The following DCLK2 variants were observed in gnomAD, a reference collection of about 807,000 sequenced individuals.
The protein encoded by DCLK2 is serine/threonine-protein kinase DCLK2.
Under a neutral mutation model 78.4 loss-of-function variants are expected in DCLK2, and 31 were observed. That is an observed-to-expected ratio of 0.40 (90% confidence interval 0.30 to 0.53). The LOEUF (loss-of-function observed/expected upper bound fraction) is 0.53. Ranked by LOEUF, DCLK2 falls within the 20% of genes least tolerant of loss-of-function variation. The probability of loss-of-function intolerance (pLI) is 0.61; values close to 1 mark genes in which losing one functional copy is unlikely to be tolerated. For missense variants in DCLK2, 872 were observed against 973.7 expected (o/e 0.90, Z 1.39); for synonymous variants, 407 against 374.9 (o/e 1.09, Z -0.99).
chr4:150,190,794 CT>C (rs1281213180), intron 2 of DCLK2, among the ~76,000 whole-genome samples: 1 of 152,064 alleles, frequency 6.6e-6, no homozygotes, highest in Non-Finnish European at 1.5e-5. Flanking sequence ...ATTGTGTGGT[CT>C]GCGAATTACA....
At chr4:150,183,723 CT>C (rs1560843683) in intron 2 of DCLK2, among the ~76,000 whole-genome samples, 1 of 150,882 alleles carries the variant, frequency 6.6e-6, no homozygotes, top group Admixed American at 6.6e-5. Context: ...CTTTTGATTT[CT>C]TTTTTTCTTT....
intron 5 of DCLK2, among the ~76,000 whole-genome samples, chr4:150,219,574 A>C (rs766952251): frequency 1.3e-5 from 2 of 151,948 alleles, no homozygotes; most frequent in Non-Finnish European, 1.5e-5. Context: ...ATTCTTAATC[A>C]CTCATTTCAA....
At chr4:150,184,027 C>T (rs1046543967) in intron 2 of DCLK2, among the ~76,000 whole-genome samples, 1 of 152,182 alleles carries the variant, frequency 6.6e-6, no homozygotes, top group Admixed American at 6.5e-5. Context: ...AGCCACCACA[C>T]CCAGCCTCAA....
chr4:150,173,287 C>T (rs1736689865), intron 2 of DCLK2, among the ~76,000 whole-genome samples: 1 of 152,082 alleles, frequency 6.6e-6, no homozygotes, highest in African/African-American at 2.4e-5. Context: ...AAAAACCAGC[C>T]GACTCGACAG....
intron 13 of DCLK2, 48 bp from the exon 14 acceptor site, chr4:150,248,257 T>TA (rs780341414): frequency 2.4e-5 from 37 of 1,524,004 alleles, no homozygotes; most frequent in Admixed American, 3.4e-5. Flanking sequence ...ATGCTGGAAT[T>TA]ACCTCCTTTC....
At chr4:150,138,822 T>C (rs749147502) in intron 2 of DCLK2, among the ~76,000 whole-genome samples, 15 of 152,124 alleles carry the variant, frequency 9.9e-5, no homozygotes, top group African/African-American at 1.4e-4. Context: ...CCTGCCACCA[T>C]GCCCAGCTAA....
At chr4:150,158,207 T>G (rs763316776) in intron 2 of DCLK2, among the ~76,000 whole-genome samples, 2 of 152,172 alleles carry the variant, frequency 1.3e-5, no homozygotes, top group Non-Finnish European at 2.9e-5. Flanking sequence ...TTTTCCTCTA[T>G]GCATGCACAC....
chr4:150,129,404 G>T (rs1208653793), intron 2 of DCLK2, among the ~76,000 whole-genome samples: 1 of 152,028 alleles, frequency 6.6e-6, no homozygotes, highest in Non-Finnish European at 1.5e-5. Context: ...TTATCAAAAT[G>T]ATTATTTAAA....
At chr4:150,120,689 A>C (rs942478382) in intron 2 of DCLK2, among the ~76,000 whole-genome samples, 2 of 152,226 alleles carry the variant, frequency 1.3e-5, no homozygotes, top group Non-Finnish European at 2.9e-5. Flanking sequence ...GCGTCCTAGC[A>C]CAGATAAGTT....
At position 150,111,145 on chromosome 4, in the gene DCLK2, A is replaced by T. The variant is rs183052048; in HGVS notation, c.756+8333A>T. On this transcript the variant is annotated intron_variant, in intron 2 of 15. Coordinates refer to ENST00000296550, the MANE Select transcript of DCLK2 (RefSeq NM_001040260.4). ...CTTCACTACATCCACATCAGCATCT[A>T]TTTTTTTTTGACTTTTTAATAATGG... Among the ~76,000 whole-genome samples the T allele has an allele frequency of 7.3e-5, 11 of 150,608 alleles. No homozygotes were observed. In the East Asian group the frequency reaches 2.1e-3, roughly 29 times the overall value.
intron 2 of DCLK2, among the ~76,000 whole-genome samples, chr4:150,173,292 C>A (rs988031441): frequency 1.3e-5 from 2 of 152,088 alleles, no homozygotes; most frequent in East Asian, 1.9e-4. Context: ...CCAGCCGACT[C>A]GACAGGATAG....
Position 150,079,373 on chromosome 4 carries a change from C to T in DCLK2, c.346C>T (p.Leu116=), listed in dbSNP as rs1004596995. ...LTRSLSDNVN[L]PQGVRTIYTI... is the part of the protein sequence containing the mutation. ...CCGCTCCCTGTCGGACAACGTGAAC[C>T]TGCCCCAGGGTGTCCGCACTATCTA... Residue 116 remains leucine, a synonymous_variant, in exon 1 of 16, where the codon CTG becomes TTG. Transcript: ENST00000296550. 1.3e-6 allele frequency: 2 copies of T among 1,589,540 alleles called. No individual in the cohort carries two copies. Among genetic ancestry groups the T allele is most frequent in the Non-Finnish European group, 8.6e-7 (1 of 1,168,132 alleles).
At chr4:150,147,162 T>TG (rs1734538063) in intron 2 of DCLK2, among the ~76,000 whole-genome samples, 1 of 151,778 alleles carries the variant, frequency 6.6e-6, no homozygotes, top group Non-Finnish European at 1.5e-5. Flanking sequence ...TAGCGAAGCA[T>TG]GGTGCCATGC....
intron 12 of DCLK2, among the ~76,000 whole-genome samples, chr4:150,246,957 C>G (rs17688421): frequency 1.3e-5 from 2 of 151,910 alleles, no homozygotes; most frequent in African/African-American, 2.4e-5. Context: ...AGTCAGTTTC[C>G]AAGAGTGAAC....
At chr4:150,132,868 T>C (rs2150200170) in intron 2 of DCLK2, among the ~76,000 whole-genome samples, 1 of 152,266 alleles carries the variant, frequency 6.6e-6, no homozygotes, top group East Asian at 1.9e-4. Context: ...GCTCAAACTG[T>C]CCTCCCACCA....
chr4:150,198,915 C>CCA (rs1655061898), intron 4 of DCLK2: 2 of 579,722 alleles, frequency 3.4e-6, no homozygotes, highest in East Asian at 3.4e-5. Context: ...TCAGCACCCC[C>CCA]CCCCCCACTT....
chr4:150,081,667 T>C lies in DCLK2; in HGVS notation c.421+2219T>C, dbSNP rs563382603. On this transcript the variant is annotated intron_variant, in intron 1 of 15. Coordinates refer to ENST00000296550, the MANE Select transcript of DCLK2 (RefSeq NM_001040260.4). ...TTAATTCTTCAGTTTTCCCCCAAAT[T>C]AGTAGAATACTCCATAGCAATGCAA... Among the ~76,000 whole-genome samples, 7 of 152,098 alleles carry C rather than the reference T, an allele frequency of 4.6e-5. No individual in the cohort carries two copies. In the East Asian group the frequency reaches 1.4e-3, roughly 29 times the overall value.
At chr4:150,089,241 T>G (rs1257329775) in intron 1 of DCLK2, among the ~76,000 whole-genome samples, 2 of 152,182 alleles carry the variant, frequency 1.3e-5, no homozygotes, top group Non-Finnish European at 2.9e-5. Context: ...AACTTTTGAG[T>G]TACCATCATT....
At chr4:150,200,722 A>G (rs1038201448) in intron 4 of DCLK2, among the ~76,000 whole-genome samples, 14 of 152,258 alleles carry the variant, frequency 9.2e-5, no homozygotes, top group African/African-American at 3.1e-4. Context: ...TCCTAAATGA[A>G]GTCTTGAGAC....
Sources: gnomAD v4.1 joint callset for allele counts (sites outside exome capture counted in the v4.1 genomes callset) on GRCh38, gnomAD v4.1.1 for gene constraint, MANE v1.5 for transcripts, NCBI Gene and HGNC (gene_info 2026-07-23, HGNC 2026-07-21) for gene names.